The following PPP6R3 variants were observed in gnomAD, a reference collection of about 807,000 sequenced individuals.
The protein encoded by PPP6R3 is protein phosphatase 6 regulatory subunit 3, also known as serine/threonine-protein phosphatase 6 regulatory subunit 3.
In PPP6R3, 38 loss-of-function variants were observed where a neutral mutation model predicts 110.7. The ratio of observed to expected loss-of-function variants is 0.34; its 90% CI spans 0.26 to 0.45. The LOEUF is 0.45. Among genes scored for constraint, PPP6R3 ranks in the 20% least tolerant of loss-of-function variants. The pLI, the probability that PPP6R3 is intolerant of heterozygous loss-of-function variation, is 1.00. For missense variants in PPP6R3, 870 were observed against 1,062.4 expected (o/e 0.82, Z 2.52); for synonymous variants, 369 against 373.5 (o/e 0.99, Z 0.14).
At position 68,614,832 on chromosome 11, in the gene PPP6R3, G is replaced by A; in HGVS notation, c.*1715G>A. On this transcript the variant is annotated 3_prime_UTR_variant, in exon 24 of 24. Transcript: ENST00000393800. ...ACAGGGCTCCTCCTGCTTGCCTCAG[G>A]GCTGCCTGACTTGAATGGCGTTGGA... 1 of 1,331,116 alleles carries A rather than the reference G, an allele frequency of 7.5e-7. No homozygotes were observed. Among genetic ancestry groups the A allele is most frequent in the Non-Finnish European group, 1.0e-6 (1 of 953,514 alleles). 82.5% of individuals were successfully genotyped at this position (1,331,116 alleles called of 1,614,324 possible). A position where few individuals can be genotyped will look rare whatever the true frequency, so the allele number is the denominator to read the frequency against.
intron 22 of PPP6R3, chr11:68,609,609 A>T: frequency 6.4e-7 from 1 of 1,552,082 alleles, no homozygotes; most frequent in African/African-American, 1.4e-5. Context: ...ACTGGGCTTC[A>T]GAGTGTTGAA....
At chr11:68,592,834 A>T (rs2099599689) in intron 18 of PPP6R3, among the ~76,000 whole-genome samples, 1 of 152,152 alleles carries the variant, frequency 6.6e-6, no homozygotes, top group African/African-American at 2.4e-5. Flanking sequence ...TGTTGAATGG[A>T]TTCACTAAAT....
chr11:68,574,169 C>T lies in PPP6R3; in HGVS notation c.1404C>T (p.Ile468=), dbSNP rs766406235. 18 of 1,613,928 alleles carry T rather than the reference C, an allele frequency of 1.1e-5. No individual in the cohort carries two copies. Among genetic ancestry groups the T allele is most frequent in the Admixed American group, 1.0e-4 (6 of 60,010 alleles). The stretch of plus-strand genomic sequence containing the variant: ...ACCTAACGAGGATAGCTAACTGTAT[C>T]GTGCACAGCACTGACAAGGGCCCCA... ...MGHLTRIANC[I]VHSTDKGPNS... The change falls in exon 13 of 24, where the codon ATC becomes ATT. Residue 468 remains isoleucine (I), a synonymous_variant. Transcript: ENST00000393800.
intron 1 of PPP6R3, among the ~76,000 whole-genome samples, chr11:68,482,398 A>T (rs1186337071): frequency 1.3e-5 from 2 of 150,752 alleles, no homozygotes; most frequent in East Asian, 3.9e-4. Context: ...TGGGCAACAA[A>T]GTGAGACTGC....
rs528934227 is a variant in PPP6R3 at position 68,467,253 on chromosome 11, C to G, written c.-158+6426C>G. Reference sequence around the variant, plus strand: ...ATAAGGAGGCTCTGATTTTGTACTTCACAGTAACTCTGGGGAAAACCACGG... The same window carrying G: ...ATAAGGAGGCTCTGATTTTGTACTTGACAGTAACTCTGGGGAAAACCACGG... On this transcript the variant is annotated intron_variant, in intron 1 of 23. Transcript: ENST00000393800. Among the ~76,000 whole-genome samples, 6 of 152,240 alleles carry G rather than the reference C, an allele frequency of 3.9e-5. No individual in the cohort carries two copies. In the East Asian group the frequency reaches 1.2e-3, roughly 29 times the overall value.
intron 1 of PPP6R3, among the ~76,000 whole-genome samples, chr11:68,488,289 C>G (rs2098961209): frequency 6.6e-6 from 1 of 152,114 alleles, no homozygotes; most frequent in South Asian, 2.1e-4. Context: ...GTGGCACAGT[C>G]ATAGCTCAGT....
chr11:68,496,387 G>C (rs1430728836), intron 1 of PPP6R3, among the ~76,000 whole-genome samples: 1 of 151,954 alleles, frequency 6.6e-6, no homozygotes, highest in Non-Finnish European at 1.5e-5. Context: ...TATTGTCCAG[G>C]CTGGACGGGG....
intron 2 of PPP6R3, 79 bp downstream of exon 2, chr11:68,519,730 G>GA: frequency 2.5e-6 from 1 of 396,650 alleles, no homozygotes; most frequent in East Asian, 3.6e-5. Flanking sequence ...TGAGACCCTG[G>GA]AGTCTTAGCA....
chr11:68,505,454 G>T (rs2099070847), intron 1 of PPP6R3, among the ~76,000 whole-genome samples: 1 of 152,126 alleles, frequency 6.6e-6, no homozygotes, highest in Admixed American at 6.6e-5. Flanking sequence ...CATTTATTCT[G>T]TGCCTAGATT....
chr11:68,506,414 CAAAAAAAAAAAAAAAAAAAA>C lies in PPP6R3; in HGVS notation c.-157-13072_-157-13053del, dbSNP rs67739319. Among the ~76,000 whole-genome samples, 33 of 46,076 alleles carry C rather than the reference CAAAAAAAAAAAAAAAAAAAA, an allele frequency of 7.2e-4. 2 individuals are homozygous for C. Among genetic ancestry groups the C allele is most frequent in the Middle Eastern group, 0.083 (2 of 24 alleles). 30.2% of individuals were successfully genotyped at this position (46,076 alleles called of 152,430 possible). A position where few individuals can be genotyped will look rare whatever the true frequency, so the allele number is the denominator to read the frequency against. On this transcript the variant is annotated intron_variant, in intron 1 of 23. Coordinates refer to ENST00000393800, the MANE Select transcript of PPP6R3 (RefSeq NM_001164161.2). ...ACTGCTGCACCCAGCCCTTTATACT[CAAAAAAAAAAAAAAAAAAAA>C]AAAAAAAAAAAAAATTCCTAACTGT...
chr11:68,574,799 G>A (rs1308190376), intron 13 of PPP6R3, among the ~76,000 whole-genome samples: 1 of 152,202 alleles, frequency 6.6e-6, no homozygotes, highest in Non-Finnish European at 1.5e-5. Flanking sequence ...CCCAAGCCAT[G>A]AGCCTTCTTC....
chr11:68,537,954 C>T (rs921606034), intron 3 of PPP6R3, 63 bp downstream of exon 3: 4 of 1,225,184 alleles, frequency 3.3e-6, no homozygotes, highest in Admixed American at 2.1e-5. Flanking sequence ...GAATATACAG[C>T]TCTTGTTCAA....
intron 6 of PPP6R3, 35 bp from the exon 7 acceptor site, chr11:68,554,110 T>G (rs763472049): frequency 2.1e-6 from 3 of 1,422,650 alleles, no homozygotes; most frequent in Non-Finnish European, 2.9e-6. Flanking sequence ...ACTTCTAACA[T>G]GTTTTATGGT....
chr11:68,595,965 G>T, intron 18 of PPP6R3, 132 bp from the exon 19 acceptor site: 2 of 1,142,896 alleles, frequency 1.7e-6, no homozygotes, highest in South Asian at 3.0e-5. Context: ...TCCTGACCAC[G>T]TGGTGCTCAG....
intron 14 of PPP6R3, among the ~76,000 whole-genome samples, chr11:68,577,194 C>T (rs542931393): frequency 1.1e-4 from 16 of 152,290 alleles, no homozygotes; most frequent in African/African-American, 3.9e-4. Context: ...TTAGTATTGA[C>T]AGCCCTGGGT....
At chr11:68,522,110 A>G (rs528708175) in intron 2 of PPP6R3, among the ~76,000 whole-genome samples, 88 of 152,350 alleles carry the variant, frequency 5.8e-4, no homozygotes, top group African/African-American at 2.0e-3. Flanking sequence ...TTCTCTTGAT[A>G]CTTGCTTTTT....
At position 68,475,515 on chromosome 11, in the gene PPP6R3, C is replaced by T. The variant is rs1333097747; in HGVS notation, c.-158+14688C>T. Among the ~76,000 whole-genome samples, 8 of 151,794 alleles carry T rather than the reference C, an allele frequency of 5.3e-5. No individual in the cohort carries two copies. The East Asian group carries it at 5.8e-4, about 11-fold the overall frequency. On this transcript the variant is annotated intron_variant, in intron 1 of 23. Transcript: ENST00000393800. ...CCGAGCAGAGGTGCCCGCCACCTCCCGGACGGGGCAGCGGCCGGGCGGGGG... is the reference window on the plus strand; with the variant it reads ...CCGAGCAGAGGTGCCCGCCACCTCCTGGACGGGGCAGCGGCCGGGCGGGGG...
intron 1 of PPP6R3, among the ~76,000 whole-genome samples, chr11:68,505,680 C>T (rs1378663055): frequency 6.6e-6 from 1 of 152,144 alleles, no homozygotes. Context: ...ATTTAAAATT[C>T]AGCTCCCAGG....
intron 1 of PPP6R3, among the ~76,000 whole-genome samples, chr11:68,462,136 T>G (rs929413776): frequency 6.6e-6 from 1 of 152,230 alleles, no homozygotes; most frequent in Non-Finnish European, 1.5e-5. Flanking sequence ...GCCTGGCACA[T>G]ACAGTCACCT....
Sources: allele counts gnomAD v4.1 joint callset (sites outside exome capture counted in the v4.1 genomes callset), GRCh38; gene constraint gnomAD v4.1.1; transcripts MANE v1.5; gene names NCBI Gene and HGNC (gene_info 2026-07-23, HGNC 2026-07-21).